The following NALF1 variants were observed in gnomAD, a reference collection of about 807,000 sequenced individuals.
The protein encoded by NALF1 is NALCN channel auxiliary factor 1.
A neutral mutation model predicts 48.4 loss-of-function variants in NALF1; 3 were observed. That is an observed-to-expected ratio of 0.06 (90% confidence interval 0.03 to 0.16). NALF1 has a LOEUF of 0.16. NALF1 is among the 10% of genes least tolerant of loss of function. NALF1 has a pLI of 1.00. For missense variants in NALF1, 526 were observed against 571.5 expected (o/e 0.92, Z 0.81); for synonymous variants, 262 against 245.7 (o/e 1.07, Z -0.62).
chr13:107,761,120 G>A (rs1379265119), intron 1 of NALF1, among the ~76,000 whole-genome samples: 1 of 152,152 alleles, frequency 6.6e-6, no homozygotes, highest in Non-Finnish European at 1.5e-5. Context: ...TACTTTGGGA[G>A]GCCAAGGCGG....
intron 1 of NALF1, among the ~76,000 whole-genome samples, chr13:107,810,376 T>C (rs575841389): frequency 6.6e-6 from 1 of 152,170 alleles, no homozygotes; most frequent in Admixed American, 6.6e-5. Flanking sequence ...TGACTGGCCA[T>C]CCTGAAGTCT....
intron 1 of NALF1, among the ~76,000 whole-genome samples, chr13:107,574,087 G>A (rs182194309): frequency 1.6e-4 from 24 of 152,222 alleles, no homozygotes; most frequent in African/African-American, 5.8e-4. Context: ...CAGTGTAAGA[G>A]TTCTGTCTAC....
intron 1 of NALF1, among the ~76,000 whole-genome samples, chr13:107,771,507 A>T (rs1241109797): frequency 1.3e-5 from 2 of 148,860 alleles, no homozygotes; most frequent in African/African-American, 4.9e-5. Context: ...AAAATCTATA[A>T]TATGTAATAT....
In NALF1 at chr13:107,828,618, C is replaced by T. The variant is rs1195491332; in HGVS notation, c.915+37064G>A. 2.4e-4 allele frequency among the ~76,000 whole-genome samples: 35 copies of T among 145,442 alleles called. 1 individual carries two copies. The highest frequency in any genetic ancestry group is 7.5e-4 in the Admixed American group (11 of 14,578). ...ATATCTATATCTATACACACACACA[C>T]ACACACACACACACACACACACACA... On this transcript the variant is annotated intron_variant, in intron 1 of 2. Transcript: ENST00000375915.
intron 1 of NALF1, among the ~76,000 whole-genome samples, chr13:107,703,552 A>C (rs1400376084): frequency 6.6e-6 from 1 of 151,974 alleles, no homozygotes; most frequent in Non-Finnish European, 1.5e-5. Flanking sequence ...ATGAGGTTTC[A>C]CTATGTTGGC....
At chr13:107,371,458 A>AAAAT (rs10641731) in intron 1 of NALF1, among the ~76,000 whole-genome samples, 70,376 of 150,422 alleles carry the variant, frequency 0.47, 17,621 homozygotes, top group East Asian at 0.73. Context: ...AAATAAAAAT[A>AAAAT]AAATAAATAA....
chr13:107,212,581 A>G (rs554295647), intron 1 of NALF1, among the ~76,000 whole-genome samples: 2 of 152,348 alleles, frequency 1.3e-5, no homozygotes, highest in Admixed American at 1.3e-4. Flanking sequence ...CAGCTTCAGA[A>G]GAAAAAGTGA....
intron 1 of NALF1, among the ~76,000 whole-genome samples, chr13:107,304,273 C>T (rs1280532287): frequency 1.3e-5 from 2 of 151,982 alleles, no homozygotes; most frequent in Non-Finnish European, 2.9e-5. Context: ...ACATGTAAGT[C>T]CTGGAAATAA....
At chr13:107,724,484 G>T (rs957081671) in intron 1 of NALF1, among the ~76,000 whole-genome samples, 5 of 152,116 alleles carry the variant, frequency 3.3e-5, no homozygotes, top group Non-Finnish European at 7.4e-5. Context: ...CAGTTTGTCT[G>T]CTTCAAGATT....
chr13:107,336,941 GC>G (rs916213065), intron 1 of NALF1, among the ~76,000 whole-genome samples: 4 of 147,114 alleles, frequency 2.7e-5, no homozygotes, highest in South Asian at 2.2e-4. Flanking sequence ...GAAAAGAAAA[GC>G]CCCCCCAAAA....
intron 1 of NALF1, among the ~76,000 whole-genome samples, chr13:107,743,003 G>T (rs182105616): frequency 3.0e-4 from 45 of 152,316 alleles, no homozygotes; most frequent in Non-Finnish European, 6.0e-4. Flanking sequence ...CACACCAAGT[G>T]GCTCTCTGCC....
intron 1 of NALF1, among the ~76,000 whole-genome samples, chr13:107,281,026 A>T (rs890850674): frequency 6.6e-6 from 1 of 152,244 alleles, no homozygotes; most frequent in Non-Finnish European, 1.5e-5. Flanking sequence ...ATATGTCCAT[A>T]GCACATGCAA....
At chr13:107,324,695 A>C (rs1386566681) in intron 1 of NALF1, among the ~76,000 whole-genome samples, 1 of 152,182 alleles carries the variant, frequency 6.6e-6, no homozygotes, top group Non-Finnish European at 1.5e-5. Flanking sequence ...TGCACAGTAG[A>C]TATACTTGTA....
At chr13:107,231,674 T>A (rs971335760) in intron 1 of NALF1, among the ~76,000 whole-genome samples, 15 of 152,212 alleles carry the variant, frequency 9.9e-5, no homozygotes, top group Admixed American at 6.5e-4. Context: ...ACGCAAAAAA[T>A]TATCTTTTTC....
At chr13:107,506,274 ATATGTAATTATCTTT>A (rs1261051974) in intron 1 of NALF1, among the ~76,000 whole-genome samples, 1 of 152,136 alleles carries the variant, frequency 6.6e-6, no homozygotes, top group Non-Finnish European at 1.5e-5. Flanking sequence ...AAATATTGTA[ATATGTAATTATCTTT>A]CCCTGAAGTC....
chr13:107,191,396 G>A (rs932209182), intron 2 of NALF1, among the ~76,000 whole-genome samples: 1 of 152,018 alleles, frequency 6.6e-6, no homozygotes, highest in African/African-American at 2.4e-5. Flanking sequence ...AATAAGAAAA[G>A]CAGTCATTCT....
chr13:107,634,374 C>A (rs954574668), intron 1 of NALF1, among the ~76,000 whole-genome samples: 7 of 152,028 alleles, frequency 4.6e-5, no homozygotes, highest in African/African-American at 1.5e-4. Flanking sequence ...ACTACACAAG[C>A]TATGCATGTA....
chr13:107,668,633 T>C (rs1880917109), intron 1 of NALF1, among the ~76,000 whole-genome samples: 1 of 152,082 alleles, frequency 6.6e-6, no homozygotes, highest in Non-Finnish European at 1.5e-5. Context: ...TGGCATTCTC[T>C]CTTCCATACC....
chr13:107,506,824 A>G (rs1875711660), intron 1 of NALF1, among the ~76,000 whole-genome samples: 1 of 152,004 alleles, frequency 6.6e-6, no homozygotes, highest in Non-Finnish European at 1.5e-5. Context: ...GGTCATTGTA[A>G]GTAATACTGC....
Sources: gnomAD v4.1 joint callset for allele counts (sites outside exome capture counted in the v4.1 genomes callset) on GRCh38, gnomAD v4.1.1 for gene constraint, MANE v1.5 for transcripts, NCBI Gene and HGNC (gene_info 2026-07-23, HGNC 2026-07-21) for gene names.